Variants in PDE1C observed in about 807,000 individuals in gnomAD.
PDE1C encodes the protein dual specificity calcium/calmodulin-dependent 3',5'-cyclic nucleotide phosphodiesterase 1C.
A neutral mutation model predicts 93.1 loss-of-function variants in PDE1C; 62 were observed. The ratio of observed to expected loss-of-function variants is 0.67; its 90% CI spans 0.54 to 0.82. The LOEUF is 0.82. Among genes scored for constraint, PDE1C ranks in the 40% least tolerant of loss-of-function variants. The pLI is 0.00. For missense variants in PDE1C, 742 were observed against 884.6 expected, an observed-to-expected ratio of 0.84 and a Z score of 2.04; for synonymous variants, 325 against 310.1, an observed-to-expected ratio of 1.05 and a Z score of -0.50.
chr7:32,377,526 A>C (rs1314329291), intron 1 of PDE1C, among the ~76,000 whole-genome samples: 1 of 152,184 alleles, frequency 6.6e-6, no homozygotes, highest in Non-Finnish European at 1.5e-5. Context: ...TGCCATTGAG[A>C]AGCATTTTAT....
At chr7:32,206,236 G>T (rs1389537993) in intron 2 of PDE1C, among the ~76,000 whole-genome samples, 5 of 152,078 alleles carry the variant, frequency 3.3e-5, no homozygotes, top group Non-Finnish European at 5.9e-5. Context: ...GATTGTGTAT[G>T]CTGATAATGG....
intron 2 of PDE1C, among the ~76,000 whole-genome samples, chr7:31,961,570 A>G (rs1303532323): frequency 6.6e-6 from 1 of 152,144 alleles, no homozygotes; most frequent in African/African-American, 2.4e-5. Context: ...GGGCAACATG[A>G]GACACAGGTA....
chr7:31,874,582 TC>T (rs1001030592), intron 5 of PDE1C, among the ~76,000 whole-genome samples: 1 of 152,216 alleles, frequency 6.6e-6, no homozygotes. Context: ...GTCAAATTCA[TC>T]CCAAGGCCAT....
Position 32,165,466 on chromosome 7 carries a change from TCA to T in PDE1C, c.308+4317_308+4318del, listed in dbSNP as rs999506197. Among the ~76,000 whole-genome samples the T allele has an allele frequency of 8.8e-4, 134 of 152,308 alleles. 1 individual carries two copies. Among genetic ancestry groups the T allele is most frequent in the African/African-American group, 3.2e-3 (133 of 41,564 alleles). ...TATAAAGGAAAGAGGTTTAATTGACTCACAGTTCCACATGGCTAGGGAGGCCT... is the reference window on the plus strand; with the variant it reads ...TATAAAGGAAAGAGGTTTAATTGACTCAGTTCCACATGGCTAGGGAGGCCT... On this transcript the variant is annotated intron_variant, in intron 3 of 18. Transcript: ENST00000396193.
chr7:32,087,847 G>T (rs5010684), intron 3 of PDE1C, among the ~76,000 whole-genome samples: 5 of 146,812 alleles, frequency 3.4e-5, no homozygotes, highest in South Asian at 2.2e-4. Flanking sequence ...TCTAGGGACT[G>T]TTGTGGGGTG....
exon 1 of PDE1C, chr7:32,298,850 G>T (rs889743041): frequency 1.3e-5 from 19 of 1,415,870 alleles, no homozygotes; most frequent in Non-Finnish European, 1.6e-5. Context: ...GCCGCGCCGC[G>T]CTGTCACTCT....
At chr7:32,151,274 A>G (rs1427618142) in intron 3 of PDE1C, among the ~76,000 whole-genome samples, 1 of 152,170 alleles carries the variant, frequency 6.6e-6, no homozygotes, top group Admixed American at 6.6e-5. Flanking sequence ...AAGATATTCC[A>G]CTTACCAACT....
chr7:31,794,617 C>A (rs1785061872), intron 16 of PDE1C, among the ~76,000 whole-genome samples: 1 of 152,008 alleles, frequency 6.6e-6, no homozygotes, highest in South Asian at 2.1e-4. Context: ...ACACTGAACT[C>A]TCTAAATGCC....
intron 2 of PDE1C, among the ~76,000 whole-genome samples, chr7:31,912,659 C>A (rs1005165797): frequency 6.6e-6 from 1 of 151,940 alleles, no homozygotes; most frequent in Non-Finnish European, 1.5e-5. Flanking sequence ...TGCACTCTAG[C>A]CTGGGTGACA....
At chr7:32,394,988 G>A (rs978178067) in intron 1 of PDE1C, among the ~76,000 whole-genome samples, 7 of 152,078 alleles carry the variant, frequency 4.6e-5, no homozygotes, top group Admixed American at 3.9e-4. Flanking sequence ...CATGCTTCTT[G>A]TACAGCCTGC....
At chr7:32,040,527 C>T (rs774037146) in intron 2 of PDE1C, among the ~76,000 whole-genome samples, 1 of 152,130 alleles carries the variant, frequency 6.6e-6, no homozygotes, top group Non-Finnish European at 1.5e-5. Context: ...CAGTCGAGAA[C>T]CACTGGCTTA....
At chr7:32,317,924 A>G (rs554260366) in intron 1 of PDE1C, among the ~76,000 whole-genome samples, 3 of 152,114 alleles carry the variant, frequency 2.0e-5, no homozygotes, top group Non-Finnish European at 2.9e-5. Flanking sequence ...ATTTTAATGC[A>G]CTTTCATACG....
chr7:31,913,402 C>A (rs1406166328), intron 2 of PDE1C, among the ~76,000 whole-genome samples: 2 of 148,090 alleles, frequency 1.4e-5, no homozygotes, highest in East Asian at 4.1e-4. Flanking sequence ...CAGAATGAAT[C>A]AAGGTGAAAA....
chr7:32,379,614 C>T (rs549369208), intron 1 of PDE1C, among the ~76,000 whole-genome samples: 2 of 152,128 alleles, frequency 1.3e-5, no homozygotes, highest in African/African-American at 2.4e-5. Flanking sequence ...CTCTCTGGCC[C>T]CTTTTAATAC....
intron 1 of PDE1C, among the ~76,000 whole-genome samples, chr7:32,221,419 G>T (rs1806853912): frequency 6.6e-6 from 1 of 152,156 alleles, no homozygotes; most frequent in African/African-American, 2.4e-5. Flanking sequence ...CAGGCTGGGA[G>T]TTTCCAGGAG....
intron 1 of PDE1C, among the ~76,000 whole-genome samples, chr7:32,325,696 A>G (rs1185546451): frequency 6.6e-6 from 1 of 152,238 alleles, no homozygotes; most frequent in Non-Finnish European, 1.5e-5. Context: ...GAATGACTGA[A>G]TGAGTAAATG....
chr7:31,839,071 A>G (rs1221340230), intron 9 of PDE1C, among the ~76,000 whole-genome samples: 1 of 148,390 alleles, frequency 6.7e-6, no homozygotes, highest in Non-Finnish European at 1.5e-5. Flanking sequence ...TATTTATTAT[A>G]TACATACATG....
chr7:32,374,199 G>GAAAGAAAGAAAGAAGAAAGAAA (rs1562695857), intron 1 of PDE1C, among the ~76,000 whole-genome samples: 2 of 123,100 alleles, frequency 1.6e-5, no homozygotes, highest in African/African-American at 7.8e-5. Context: ...AGAAAGAGAG[G>GAAAGAAAGAAAGAAGAAAGAAA]GAAAGAGAGG....
At chr7:31,725,129 A>G in the PDE1C span, among the ~76,000 whole-genome samples, 1 of 151,678 alleles carries the variant, frequency 6.6e-6, no homozygotes, top group Non-Finnish European at 1.5e-5. Context: ...TTGCACAGCA[A>G]CACCCGCCAC....
Sources: gnomAD v4.1 joint callset for allele counts (sites outside exome capture counted in the v4.1 genomes callset) on GRCh38, gnomAD v4.1.1 for gene constraint, MANE v1.5 for transcripts, NCBI Gene and HGNC (gene_info 2026-07-23, HGNC 2026-07-21) for gene names.